Variants in ATOH8 observed in about 807,000 individuals in gnomAD.
ATOH8 encodes atonal bHLH transcription factor 8.
In ATOH8, 9 loss-of-function variants were observed where a neutral mutation model predicts 21.2. That is an observed-to-expected ratio of 0.42 (90% CI 0.26 to 0.74). ATOH8 has a LOEUF of 0.74. Among genes scored for constraint, ATOH8 ranks in the 30% least tolerant of loss-of-function variants. ATOH8 has a pLI of 0.24. For synonymous variants in ATOH8, 253 were observed against 224.0 expected (o/e 1.13, Z -1.16); for missense variants, 524 against 470.9 (o/e 1.11, Z -1.04).
rs1680682757 is a variant in ATOH8, at chr2:85,788,531, T to A, written c.*1641T>A. Among the ~76,000 whole-genome samples the A allele has an allele frequency of 6.6e-6, 1 of 152,066 alleles. No individual in the cohort carries two copies. Among genetic ancestry groups the A allele is most frequent in the Non-Finnish European group, 1.5e-5 (1 of 68,008 alleles). On this transcript the variant is annotated 3_prime_UTR_variant, in exon 3 of 3. Transcript: ENST00000306279. ...CTCTTGTGTGGCCTTGTCACATTGCTTCACCTCAGCGGGCCTAAGGTAGGG... is the reference window on the plus strand; with the variant it reads ...CTCTTGTGTGGCCTTGTCACATTGCATCACCTCAGCGGGCCTAAGGTAGGG...
chr2:85,776,262 G>GT (rs1680319911), intron 2 of ATOH8, among the ~76,000 whole-genome samples: 1 of 152,218 alleles, frequency 6.6e-6, no homozygotes, highest in East Asian at 1.9e-4. Context: ...GAGCTTCAGG[G>GT]GTTGCCTGGC....
chr2:85,779,039 G>A (rs868661173), intron 2 of ATOH8, among the ~76,000 whole-genome samples: 2 of 151,358 alleles, frequency 1.3e-5, no homozygotes, highest in Admixed American at 6.6e-5. Context: ...ACTCCAGCCC[G>A]GGTGCCTCCT....
In ATOH8 at chr2:85,789,574, G is replaced by A. The variant is rs1558621112; in HGVS notation, c.*2684G>A. Among the ~76,000 whole-genome samples, 1 of 152,200 alleles carries A rather than the reference G, an allele frequency of 6.6e-6. No homozygotes were observed. The highest frequency in any genetic ancestry group is 1.5e-5 in the Non-Finnish European group (1 of 68,040). ...CTTTCTATGCAGAGGAGCACTCAGC[G>A]CTGGCAGGAAATTGGAATCACCCAA... is the stretch of plus-strand genomic sequence containing the variant. On this transcript the variant is annotated 3_prime_UTR_variant, in exon 3 of 3. Transcript: ENST00000306279.
At chr2:85,769,007 A>C (rs1007548078) in intron 2 of ATOH8, among the ~76,000 whole-genome samples, 3 of 152,112 alleles carry the variant, frequency 2.0e-5, no homozygotes, top group Non-Finnish European at 2.9e-5. Flanking sequence ...CCACTTTTCC[A>C]CAGCTCCTGT....
At chr2:85,755,644 A>G (rs1015923983) in intron 1 of ATOH8, among the ~76,000 whole-genome samples, 2 of 152,016 alleles carry the variant, frequency 1.3e-5, no homozygotes, top group African/African-American at 2.4e-5. Context: ...TTCAGAGCCT[A>G]GTTCTGGGGT....
At chr2:85,772,140 G>C (rs1680199651) in intron 2 of ATOH8, among the ~76,000 whole-genome samples, 1 of 152,196 alleles carries the variant, frequency 6.6e-6, no homozygotes, top group African/African-American at 2.4e-5. Context: ...TTTAGCTGTG[G>C]GGAGCCAAGA....
chr2:85,777,379 A>G (rs1004752055), intron 2 of ATOH8, among the ~76,000 whole-genome samples: 3 of 152,206 alleles, frequency 2.0e-5, no homozygotes, highest in African/African-American at 7.2e-5. Flanking sequence ...GTACAGAGAT[A>G]GCACCCAGAA....
At chr2:85,783,395 C>T (rs1680546143) in intron 2 of ATOH8, among the ~76,000 whole-genome samples, 1 of 152,040 alleles carries the variant, frequency 6.6e-6, no homozygotes, top group Non-Finnish European at 1.5e-5. Context: ...GGTGAAACCC[C>T]GTCTCTACTA....
At chr2:85,757,032 A>G (rs147480796) in intron 1 of ATOH8, among the ~76,000 whole-genome samples, 133 of 152,354 alleles carry the variant, frequency 8.7e-4, no homozygotes, top group South Asian at 6.6e-3. Flanking sequence ...TGTGTATGCA[A>G]TGCAAACACA....
intron 2 of ATOH8, among the ~76,000 whole-genome samples, chr2:85,768,403 C>T (rs1680082919): frequency 6.6e-6 from 1 of 152,134 alleles, no homozygotes; most frequent in Non-Finnish European, 1.5e-5. Flanking sequence ...GGACTGCTGA[C>T]AGGCCTGTCA....
Position 85,754,861 on chromosome 2 carries a change from C to G in ATOH8, c.672C>G (p.Ile224Met), listed in dbSNP as rs1166321190. Residue 224 changes from isoleucine (I) to methionine (M), a missense_variant, in exon 1 of 3, where the codon ATC becomes ATG. Ile to Met is a conservative substitution (Grantham distance 10, BLOSUM62 1). Transcript: ENST00000306279. ...AAGCGACTGCCGCCTCCTCCGAGAT[C>G]AAAGCCCTGCAGCAGACCCGGAGGC... is the stretch of plus-strand genomic sequence containing the variant. ...PGEATAASSE[I>M]KALQQTRRLL... 1.2e-6 allele frequency: 2 copies of G among 1,612,266 alleles called. No individual in the cohort carries two copies. The highest frequency in any genetic ancestry group is 2.2e-5 in the East Asian group (1 of 44,852).
intron 2 of ATOH8, 107 bp downstream of exon 2, chr2:85,764,289 G>A (rs1679946155): frequency 7.1e-7 from 1 of 1,413,228 alleles, no homozygotes; most frequent in Non-Finnish European, 9.6e-7. Flanking sequence ...GGGCCAGAGA[G>A]ATCAGCTCTT....
intron 2 of ATOH8, among the ~76,000 whole-genome samples, chr2:85,782,418 C>G (rs868553163): frequency 6.6e-6 from 1 of 151,890 alleles, no homozygotes; most frequent in African/African-American, 2.4e-5. Flanking sequence ...AATTACCCTG[C>G]AGTGCACAGA....
intron 1 of ATOH8, among the ~76,000 whole-genome samples, 154 bp downstream of exon 1, chr2:85,755,111 G>A (rs1346731509): frequency 6.6e-6 from 1 of 152,234 alleles, no homozygotes; most frequent in Non-Finnish European, 1.5e-5. Flanking sequence ...CAGTCCTAGG[G>A]TATGGATCAT....
chr2:85,762,739 A>G (rs1679900552), intron 1 of ATOH8, among the ~76,000 whole-genome samples: 3 of 152,158 alleles, frequency 2.0e-5, no homozygotes, highest in African/African-American at 7.2e-5. Context: ...GCTCTGGAAT[A>G]GGGATTTCCA....
intron 1 of ATOH8, 55 bp downstream of exon 1, chr2:85,755,012 G>A: frequency 2.0e-6 from 3 of 1,514,790 alleles, no homozygotes; most frequent in East Asian, 2.4e-5. Flanking sequence ...TGCGGGAATG[G>A]GTGGGCGAGT....
At position 85,754,798 on chromosome 2, in the gene ATOH8, C is replaced by CCCT. The variant is rs761152021; in HGVS notation, c.610_611insCTC (p.His203_Gln204insPro). 6.2e-7 allele frequency: 1 copy of CCCT among 1,612,950 alleles called. No individual in the cohort carries two copies. Among genetic ancestry groups the CCCT allele is most frequent in the South Asian group, 1.1e-5 (1 of 91,090 alleles). On this transcript the variant is annotated inframe_insertion, in exon 1 of 3. Transcript: ENST00000306279. ...TTTCACACGTAATTTACAATAACCA[C>CCCT]CAGGATTCCTCCGCGTCGCCTAGGA... is the stretch of plus-strand genomic sequence containing the variant.
intron 2 of ATOH8, among the ~76,000 whole-genome samples, chr2:85,770,867 C>A (rs1179280490): frequency 6.6e-6 from 1 of 152,190 alleles, no homozygotes; most frequent in Non-Finnish European, 1.5e-5. Context: ...CTCCCCAACA[C>A]ACTGAGAATG....
chr2:85,768,895 C>T (rs1680099628), intron 2 of ATOH8, among the ~76,000 whole-genome samples: 1 of 152,160 alleles, frequency 6.6e-6, no homozygotes, highest in African/African-American at 2.4e-5. Flanking sequence ...TCAGAGGCCG[C>T]CCAGCAGAGA....
Sources: allele counts gnomAD v4.1 joint callset (sites outside exome capture counted in the v4.1 genomes callset), GRCh38; gene constraint gnomAD v4.1.1; transcripts MANE v1.5; gene names NCBI Gene and HGNC (gene_info 2026-07-23, HGNC 2026-07-21).